The following CCDC148 variants were observed in gnomAD, a reference collection of about 807,000 sequenced individuals.
CCDC148 encodes coiled-coil domain-containing protein 148.
Under a neutral mutation model 85.7 loss-of-function variants are expected in CCDC148, and 89 were observed. That is an observed-to-expected ratio of 1.04 (90% confidence interval 0.87 to 1.24). The LOEUF (loss-of-function observed/expected upper bound fraction) is 1.24. CCDC148 is among the 50% of genes most tolerant of loss of function. The pLI is 0.00. For missense variants in CCDC148, 692 were observed against 671.7 expected (o/e 1.03, Z -0.33); for synonymous variants, 230 against 213.9 (o/e 1.08, Z -0.66).
intron 1 of CCDC148, among the ~76,000 whole-genome samples, chr2:158,387,929 T>A (rs1685157579): frequency 6.6e-6 from 1 of 152,174 alleles, no homozygotes. Flanking sequence ...CTTTTTGGGC[T>A]CCAACACCAT....
chr2:158,259,520 T>C (rs55923247), intron 9 of CCDC148, among the ~76,000 whole-genome samples: 39,180 of 151,896 alleles, frequency 0.26, 5,414 homozygotes, highest in Non-Finnish European at 0.28. Flanking sequence ...AGTTGCATTC[T>C]AGCTGACATT....
intron 1 of CCDC148, among the ~76,000 whole-genome samples, chr2:158,386,119 G>C (rs539235053): frequency 2.0e-5 from 3 of 152,166 alleles, no homozygotes; most frequent in Non-Finnish European, 4.4e-5. Flanking sequence ...TCAGCGGTTG[G>C]GGGGCAGTGC....
chr2:158,240,452 T>TCTCTCTCTCTCACACA (rs941238898), intron 10 of CCDC148, among the ~76,000 whole-genome samples: 4 of 120,468 alleles, frequency 3.3e-5, no homozygotes, highest in East Asian at 5.3e-4. Context: ...TCTCTCTCTC[T>TCTCTCTCTCTCACACA]CACACACACA....
chr2:158,241,246 A>C (rs1688340453), intron 10 of CCDC148, among the ~76,000 whole-genome samples: 1 of 152,230 alleles, frequency 6.6e-6, no homozygotes, highest in African/African-American at 2.4e-5. Context: ...TATATGCACA[A>C]ATGTATTTAA....
chr2:158,206,549 A>G (rs77975702), intron 11 of CCDC148, among the ~76,000 whole-genome samples: 1,586 of 152,358 alleles, frequency 0.01, 31 homozygotes, highest in African/African-American at 0.037. Context: ...ATGCAAATGT[A>G]ATTTCAATAG....
At chr2:158,338,032 A>G (rs1682477237) in intron 7 of CCDC148, among the ~76,000 whole-genome samples, 1 of 152,102 alleles carries the variant, frequency 6.6e-6, no homozygotes, top group South Asian at 2.1e-4. Context: ...ATATCATAGC[A>G]CACAAAGCTG....
chr2:158,219,290 T>C (rs1687049517), intron 11 of CCDC148, among the ~76,000 whole-genome samples: 2 of 152,202 alleles, frequency 1.3e-5, no homozygotes, highest in African/African-American at 2.4e-5. Context: ...TCTTTATCTT[T>C]GGTGAAAATC....
At chr2:158,443,704 TTTTATGTGGAAA>T (rs980420716) in intron 1 of CCDC148, among the ~76,000 whole-genome samples, 6 of 152,116 alleles carry the variant, frequency 3.9e-5, no homozygotes, top group African/African-American at 1.4e-4. Context: ...TAGTATTTCA[TTTTATGTGGAAA>T]TTAACCTAGG....
intron 1 of CCDC148, among the ~76,000 whole-genome samples, chr2:158,401,025 G>T (rs142512061): frequency 0.72 from 108,992 of 151,984 alleles, 39,895 homozygotes; most frequent in East Asian, 0.82. Flanking sequence ...CAGTTAGAAT[G>T]GCAATCATTA....
rs534692308 is a variant in CCDC148, at chr2:158,279,472, G to A, written c.1111-28560C>T. Among the ~76,000 whole-genome samples, 8 of 152,326 alleles carry A rather than the reference G, an allele frequency of 5.3e-5. No individual in the cohort carries two copies. In the South Asian group the frequency reaches 1.7e-3, roughly 32 times the overall value. ...GAAAGCCAAGGCATGAGAACTACGT[G>A]AAGAATGCAGAAGCCTCAGGAGCCG... is the stretch of plus-strand genomic sequence containing the variant. On this transcript the variant is annotated intron_variant, in intron 9 of 13. Transcript: ENST00000283233.
intron 1 of CCDC148, among the ~76,000 whole-genome samples, chr2:158,392,980 A>G (rs1015022072): frequency 2.0e-4 from 31 of 152,104 alleles, no homozygotes; most frequent in African/African-American, 6.8e-4. Context: ...CATTACAAGT[A>G]TTATCTACAA....
At chr2:158,407,637 T>G (rs1392381285) in intron 1 of CCDC148, among the ~76,000 whole-genome samples, 1 of 152,072 alleles carries the variant, frequency 6.6e-6, no homozygotes, top group Non-Finnish European at 1.5e-5. Flanking sequence ...AGAAAAAAAG[T>G]TAAGGGCAAG....
intron 1 of CCDC148, among the ~76,000 whole-genome samples, chr2:158,404,737 G>GTAT (rs1685928333): frequency 6.6e-6 from 1 of 152,076 alleles, no homozygotes; most frequent in Non-Finnish European, 1.5e-5. Context: ...CATCAAGCCA[G>GTAT]GAAGGCAGTA....
intron 9 of CCDC148, among the ~76,000 whole-genome samples, chr2:158,302,233 C>T (rs1170337062): frequency 2.0e-5 from 3 of 152,264 alleles, no homozygotes; most frequent in Admixed American, 6.5e-5. Context: ...GGGGTTGTTT[C>T]ACTCCTCAAT....
intron 9 of CCDC148, among the ~76,000 whole-genome samples, chr2:158,276,200 G>T (rs1574523459): frequency 6.6e-6 from 1 of 152,126 alleles, no homozygotes. Context: ...GGAGGCAGAG[G>T]CGAGTGGATC....
chr2:158,192,316 G>A (rs756795159), intron 11 of CCDC148, among the ~76,000 whole-genome samples: 14 of 152,062 alleles, frequency 9.2e-5, no homozygotes, highest in East Asian at 1.9e-4. Context: ...GAGGAGGGTC[G>A]TGGGCCAGAG....
intron 11 of CCDC148, among the ~76,000 whole-genome samples, chr2:158,190,814 A>G (rs764317344): frequency 6.6e-6 from 1 of 152,010 alleles, no homozygotes; most frequent in Non-Finnish European, 1.5e-5. Context: ...GAAAATGATA[A>G]GCATGGGTGA....
chr2:158,329,349 G>T (rs192799736), intron 7 of CCDC148, among the ~76,000 whole-genome samples: 2,909 of 152,214 alleles, frequency 0.019, 53 homozygotes, highest in Non-Finnish European at 0.029. Flanking sequence ...ATTTCTGAGG[G>T]CTCTGTTCTG....
At chr2:158,298,923 A>G (rs74529801) in intron 9 of CCDC148, among the ~76,000 whole-genome samples, 10,809 of 151,986 alleles carry the variant, frequency 0.071, 533 homozygotes, top group South Asian at 0.12. Flanking sequence ...AATTTTCATC[A>G]TATTTTGGAC....
Sources: gnomAD v4.1 joint callset for allele counts (sites outside exome capture counted in the v4.1 genomes callset) on GRCh38, gnomAD v4.1.1 for gene constraint, MANE v1.5 for transcripts, NCBI Gene and HGNC (gene_info 2026-07-23, HGNC 2026-07-21) for gene names.